RAPGEF5: variants seen among roughly 807,000 people sequenced by gnomAD.
RAPGEF5 encodes the protein M-Ras-regulated GEF.
Under a neutral mutation model 125.2 loss-of-function variants are expected in RAPGEF5, and 65 were observed. That is an observed-to-expected ratio of 0.52 (90% CI 0.43 to 0.64). The LOEUF (loss-of-function observed/expected upper bound fraction) is 0.64, where lower values mean the gene tolerates loss of function less well. Ranked by LOEUF, RAPGEF5 falls within the 30% of genes least tolerant of loss-of-function variation. The probability of loss-of-function intolerance (pLI) is 0.00; values close to 1 mark genes in which losing one functional copy is unlikely to be tolerated. For synonymous variants in RAPGEF5, 391 were observed against 385.9 expected, an observed-to-expected ratio of 1.01 and a Z score of -0.16; for missense variants, 958 against 1,048.1, an observed-to-expected ratio of 0.91 and a Z score of 1.19.
intron 1 of RAPGEF5, among the ~76,000 whole-genome samples, chr7:22,333,845 A>T (rs1447201847): frequency 2.7e-5 from 4 of 146,964 alleles, no homozygotes; most frequent in Non-Finnish European, 6.0e-5. Context: ...AGAGAAACAG[A>T]GAGAGAACCA....
At chr7:22,332,217 G>C (rs963214827) in intron 1 of RAPGEF5, among the ~76,000 whole-genome samples, 1 of 152,148 alleles carries the variant, frequency 6.6e-6, no homozygotes, top group African/African-American at 2.4e-5. Context: ...AAAGCCTCCC[G>C]GTTGAAGGTT....
At chr7:22,226,642 A>G (rs957437963) in intron 8 of RAPGEF5, among the ~76,000 whole-genome samples, 1 of 152,178 alleles carries the variant, frequency 6.6e-6, no homozygotes, top group African/African-American at 2.4e-5. Context: ...AAAGTGTGAT[A>G]GTCAAGGCAG....
At position 22,318,006 on chromosome 7, in the gene RAPGEF5, A is replaced by G; in HGVS notation, c.263T>C (p.Leu88Pro). Reference sequence around the variant, plus strand: ...TCATACCTGGGAAGGCGTATGTTCAAGGTACGGATTAGATATTCTTCTTGA... The same window carrying G: ...TCATACCTGGGAAGGCGTATGTTCAGGGTACGGATTAGATATTCTTCTTGA... ...TLSRRISNPY[L>P]EHTPSQIYGE... The change falls in exon 2 of 26, where the codon CTT (leucine) becomes CCT (proline). Residue 88 changes from leucine (L) to proline (P), a missense_variant. Coordinates refer to ENST00000665637, the MANE Select transcript of RAPGEF5 (RefSeq NM_012294.5). 6.5e-7 allele frequency: 1 copy of G among 1,548,032 alleles called. No individual in the cohort carries two copies. Among genetic ancestry groups the G allele is most frequent in the Non-Finnish European group, 8.7e-7 (1 of 1,146,358 alleles).
intron 5 of RAPGEF5, among the ~76,000 whole-genome samples, chr7:22,294,265 C>T (rs1783001202): frequency 6.6e-6 from 1 of 152,032 alleles, no homozygotes; most frequent in Admixed American, 6.5e-5. Context: ...ATAGAGTGAC[C>T]CCTGGAAGGA....
chr7:22,160,502 A>G lies in RAPGEF5; in HGVS notation c.1526+16T>C. On this transcript the variant is annotated intron_variant, in intron 14 of 25. Coordinates refer to ENST00000665637, the MANE Select transcript of RAPGEF5 (RefSeq NM_012294.5). ...TTTTCTTTCATTAACTATAATTAGGAAAATGAAATACTTACTGACGACGGT... is the reference window on the plus strand; with the variant it reads ...TTTTCTTTCATTAACTATAATTAGGGAAATGAAATACTTACTGACGACGGT... 1 of 1,535,212 alleles carries G rather than the reference A, an allele frequency of 6.5e-7. No homozygotes were observed. The highest frequency in any genetic ancestry group is 1.2e-5 in the South Asian group (1 of 80,346).
At chr7:22,215,389 G>T (rs142439000) in intron 9 of RAPGEF5, among the ~76,000 whole-genome samples, 72 of 152,314 alleles carry the variant, frequency 4.7e-4, no homozygotes, top group Admixed American at 7.8e-4. Flanking sequence ...TCTGCCCTAT[G>T]AAAGAATCCT....
At chr7:22,292,719 AG>A (rs1782961528) in intron 5 of RAPGEF5, among the ~76,000 whole-genome samples, 1 of 152,232 alleles carries the variant, frequency 6.6e-6, no homozygotes. Context: ...CAAAGGCACT[AG>A]AGGCAAGAGA....
Position 22,347,019 on chromosome 7 carries a change from G to A in RAPGEF5, c.231+9811C>T, listed in dbSNP as rs557281698. Among the ~76,000 whole-genome samples, 8 of 152,060 alleles carry A rather than the reference G, an allele frequency of 5.3e-5. No homozygotes were observed. In the South Asian group the frequency reaches 1.7e-3, roughly 32 times the overall value. On this transcript the variant is annotated intron_variant, in intron 1 of 25. Transcript: ENST00000665637. ...TTATATTCATGGTTCTCAGTTTTAG[G>A]AAATTTATATGGAAAGTTTAACTTT...
rs949992265 is a variant in RAPGEF5, at chr7:22,308,330, T to A, written c.680+9A>T. On this transcript the variant is annotated intron_variant, in intron 5 of 25. Transcript: ENST00000665637. ...AAGAATACAATGGCACAAGAGAGCA[T>A]CTACTTACAGTTCACAGATGCCACC... 6.3e-7 allele frequency: 1 copy of A among 1,577,912 alleles called. No homozygotes were observed. Among genetic ancestry groups the A allele is most frequent in the Non-Finnish European group, 8.6e-7 (1 of 1,160,402 alleles).
chr7:22,152,787 T>A (rs1024416129), intron 17 of RAPGEF5, among the ~76,000 whole-genome samples: 1 of 152,208 alleles, frequency 6.6e-6, no homozygotes, highest in African/African-American at 2.4e-5. Context: ...TTTGAGATTG[T>A]TTTCTTTGTG....
intron 9 of RAPGEF5, among the ~76,000 whole-genome samples, chr7:22,210,780 C>T (rs1304122761): frequency 6.6e-6 from 1 of 152,054 alleles, no homozygotes; most frequent in Non-Finnish European, 1.5e-5. Context: ...AACATACATG[C>T]CACATCTTAT....
intron 6 of RAPGEF5, among the ~76,000 whole-genome samples, chr7:22,281,287 C>T (rs1782667900): frequency 6.6e-6 from 1 of 152,210 alleles, no homozygotes; most frequent in Non-Finnish European, 1.5e-5. Context: ...GCTCAGCTCA[C>T]TGCTACCTCT....
At chr7:22,195,906 C>T (rs1328615029) in intron 9 of RAPGEF5, among the ~76,000 whole-genome samples, 1 of 152,116 alleles carries the variant, frequency 6.6e-6, no homozygotes, top group Admixed American at 6.6e-5. Flanking sequence ...TTCTGAAGTA[C>T]GTTTTACATT....
intron 7 of RAPGEF5, among the ~76,000 whole-genome samples, chr7:22,252,649 G>A (rs1271160047): frequency 2.6e-5 from 4 of 152,202 alleles, no homozygotes; most frequent in African/African-American, 9.6e-5. Flanking sequence ...GGAGAAATCT[G>A]TGAAAAGGGC....
chr7:22,286,552 G>T (rs1361176498), intron 6 of RAPGEF5, among the ~76,000 whole-genome samples: 1 of 152,224 alleles, frequency 6.6e-6, no homozygotes, highest in African/African-American at 2.4e-5. Flanking sequence ...TGAGATGGAA[G>T]TCTAGAATAC....
chr7:22,327,516 T>C (rs1289368268), intron 1 of RAPGEF5, among the ~76,000 whole-genome samples: 1 of 152,234 alleles, frequency 6.6e-6, no homozygotes, highest in Non-Finnish European at 1.5e-5. Context: ...GCTCTTCACC[T>C]TCCAGAGTTT....
chr7:22,355,363 G>T (rs1189881693), intron 1 of RAPGEF5, among the ~76,000 whole-genome samples: 2 of 152,190 alleles, frequency 1.3e-5, no homozygotes, highest in Non-Finnish European at 2.9e-5. Context: ...GTCGCAGACT[G>T]CCTGGCAGCC....
At chr7:22,190,196 C>T (rs1433651086) in intron 11 of RAPGEF5, among the ~76,000 whole-genome samples, 1 of 152,146 alleles carries the variant, frequency 6.6e-6, no homozygotes, top group Non-Finnish European at 1.5e-5. Flanking sequence ...AGGAGAATCG[C>T]TTGAACCCGA....
intron 17 of RAPGEF5, among the ~76,000 whole-genome samples, chr7:22,152,856 A>C (rs1391857579): frequency 1.3e-5 from 2 of 152,234 alleles, no homozygotes; most frequent in African/African-American, 2.4e-5. Context: ...TACAGAAAAA[A>C]GTAGAGGATG....
Sources: allele counts gnomAD v4.1 joint callset (sites outside exome capture counted in the v4.1 genomes callset), GRCh38; gene constraint gnomAD v4.1.1; transcripts MANE v1.5; gene names NCBI Gene and HGNC (gene_info 2026-07-23, HGNC 2026-07-21).